Variants in PRIM2 observed in about 807,000 individuals in gnomAD.
The protein encoded by PRIM2 is DNA primase subunit 2, also known as DNA primase large subunit.
PRIM2 carries 39 observed loss-of-function variants against 67.3 expected under a neutral mutation model. The observed-to-expected ratio is 0.58, with a 90% CI of 0.45 to 0.76. The LOEUF is 0.76. Ranked by LOEUF, PRIM2 falls within the 30% of genes least tolerant of loss-of-function variation. The pLI is 0.00. For synonymous variants in PRIM2, 143 were observed against 198.7 expected (o/e 0.72, Z 2.36); for missense variants, 398 against 598.7 (o/e 0.66, Z 3.50).
intron 5 of PRIM2, among the ~76,000 whole-genome samples, chr6:57,361,192 G>A (rs1769188482): frequency 6.6e-6 from 1 of 152,160 alleles, no homozygotes; most frequent in Admixed American, 6.5e-5. Context: ...GGGTGCAGAA[G>A]AATGGCCCTT....
chr6:57,411,874 G>A (rs1254487730), intron 7 of PRIM2, among the ~76,000 whole-genome samples: 3 of 151,628 alleles, frequency 2.0e-5, no homozygotes, highest in African/African-American at 7.2e-5. Flanking sequence ...TTATATAGCA[G>A]CATAGTATAA....
the PRIM2 span, among the ~76,000 whole-genome samples, chr6:57,230,605 A>G: frequency 6.6e-6 from 1 of 152,148 alleles, no homozygotes; most frequent in East Asian, 1.9e-4. Flanking sequence ...TTCTGATCTG[A>G]GACATCACTT....
At chr6:57,442,107 T>TA (rs1182850061) in intron 7 of PRIM2, among the ~76,000 whole-genome samples, 1 of 152,166 alleles carries the variant, frequency 6.6e-6, no homozygotes, top group African/African-American at 2.4e-5. Context: ...ATGTTTCATG[T>TA]AAAAAACTAA....
chr6:57,482,128 G>A (rs1773643200), intron 7 of PRIM2, among the ~76,000 whole-genome samples: 1 of 151,262 alleles, frequency 6.6e-6, no homozygotes, highest in Admixed American at 6.6e-5. Flanking sequence ...TGACCAAAGG[G>A]TCAAGATATT....
At chr6:57,327,497 T>A (rs931876239) in intron 5 of PRIM2, among the ~76,000 whole-genome samples, 2 of 152,170 alleles carry the variant, frequency 1.3e-5, no homozygotes, top group African/African-American at 4.8e-5. Flanking sequence ...AGACGTTTAG[T>A]GTCAAATATA....
the PRIM2 span, among the ~76,000 whole-genome samples, chr6:57,243,626 G>A: frequency 6.6e-6 from 1 of 151,982 alleles, no homozygotes; most frequent in Non-Finnish European, 1.5e-5. Context: ...ACACCACTAC[G>A]CCCCGACTCT....
chr6:57,246,210 C>T, the PRIM2 span, among the ~76,000 whole-genome samples: 12 of 152,078 alleles, frequency 7.9e-5, no homozygotes, highest in African/African-American at 2.7e-4. Context: ...AGCCCATTTA[C>T]GGGGGAGAAG....
intron 10 of PRIM2, among the ~76,000 whole-genome samples, chr6:57,542,035 G>T (rs1237893286): frequency 1.3e-5 from 2 of 149,948 alleles, no homozygotes; most frequent in Non-Finnish European, 3.0e-5. Flanking sequence ...GAGTGCAGTG[G>T]CGCAGTCTTA....
chr6:57,373,090 G>A (rs1769618968), intron 5 of PRIM2, among the ~76,000 whole-genome samples: 1 of 152,160 alleles, frequency 6.6e-6, no homozygotes, highest in African/African-American at 2.4e-5. Flanking sequence ...CAGTGTAAAA[G>A]CATTCCTTTT....
the PRIM2 span, among the ~76,000 whole-genome samples, chr6:57,287,868 C>T: frequency 8.2e-3 from 1,252 of 152,006 alleles, 23 homozygotes; most frequent in African/African-American, 0.029. Flanking sequence ...ACACAGAAGA[C>T]GGGTGATTTC....
At chr6:57,420,011 G>T (rs1236196227) in intron 7 of PRIM2, among the ~76,000 whole-genome samples, 1 of 152,296 alleles carries the variant, frequency 6.6e-6, no homozygotes, top group South Asian at 2.1e-4. Flanking sequence ...GGTGGCAGTG[G>T]TGGATGTGAG....
chr6:57,335,800 G>T (rs374388847), intron 5 of PRIM2, among the ~76,000 whole-genome samples: 1 of 152,148 alleles, frequency 6.6e-6, no homozygotes, highest in Non-Finnish European at 1.5e-5. Context: ...AAAGCAGAGC[G>T]CCTCTCCTCC....
At chr6:57,637,546 G>A (rs1777142980) in intron 13 of PRIM2, among the ~76,000 whole-genome samples, 1 of 152,044 alleles carries the variant, frequency 6.6e-6, no homozygotes, top group South Asian at 2.1e-4. Context: ...AGAATAACCA[G>A]TTTAGAGAAC....
chr6:57,297,665 G>A, the PRIM2 span, among the ~76,000 whole-genome samples: 1 of 152,092 alleles, frequency 6.6e-6, no homozygotes, highest in African/African-American at 2.4e-5. Context: ...TTAACCAAAT[G>A]ACAGAAGTTA....
chr6:57,224,216 A>G, the PRIM2 span, among the ~76,000 whole-genome samples: 27 of 152,304 alleles, frequency 1.8e-4, no homozygotes, highest in Middle Eastern at 3.4e-3. Context: ...TGGGAGGATC[A>G]CTTGAATCCA....
chr6:57,374,563 A>T (rs1769689300), intron 5 of PRIM2, among the ~76,000 whole-genome samples: 1 of 148,916 alleles, frequency 6.7e-6, no homozygotes, highest in African/African-American at 2.5e-5. Flanking sequence ...AAGTGCTGGG[A>T]TTACAGGCGT....
chr6:57,339,351 A>C (rs938068585), intron 5 of PRIM2, among the ~76,000 whole-genome samples: 3 of 152,168 alleles, frequency 2.0e-5, no homozygotes, highest in African/African-American at 7.2e-5. Flanking sequence ...ATTGGAAAAA[A>C]CTACTTTAAA....
intron 10 of PRIM2, among the ~76,000 whole-genome samples, chr6:57,566,488 T>TA (rs1775744541): frequency 1.3e-5 from 2 of 152,166 alleles, no homozygotes; most frequent in Admixed American, 1.3e-4. Flanking sequence ...CAGAAATAAA[T>TA]AAGGGAGATC....
At chr6:57,313,621 C>T (rs534106175), upstream of PRIM2, among the ~76,000 whole-genome samples, 54 of 152,172 alleles carry the variant, frequency 3.5e-4, 2 homozygotes, top group South Asian at 2.1e-4. Context: ...CAGCCAACTC[C>T]GAGAGGTAGG....
Sources: gnomAD v4.1 joint callset for allele counts (sites outside exome capture counted in the v4.1 genomes callset) on GRCh38, gnomAD v4.1.1 for gene constraint, MANE v1.5 for transcripts, NCBI Gene and HGNC (gene_info 2026-07-23, HGNC 2026-07-21) for gene names.